Variants in JADE3 observed in about 807,000 individuals in gnomAD.
JADE3 encodes protein Jade-3.
A neutral mutation model predicts 50.1 loss-of-function variants in JADE3; 2 were observed. The ratio of observed to expected loss-of-function variants is 0.04; its 90% CI spans 0.02 to 0.13. The LOEUF (loss-of-function observed/expected upper bound fraction) is 0.13, where lower values mean the gene tolerates loss of function less well. Among genes scored for constraint, JADE3 ranks in the 10% least tolerant of loss-of-function variants. The pLI, the probability that JADE3 is intolerant of heterozygous loss-of-function variation, is 1.00. For synonymous variants in JADE3, 218 were observed against 232.9 expected, an observed-to-expected ratio of 0.94 and a Z score of 0.58; for missense variants, 475 against 634.4, an observed-to-expected ratio of 0.75 and a Z score of 2.70.
chrX:47,012,351 G>A (rs1441018041), intron 4 of JADE3, among the ~76,000 whole-genome samples: 2 of 111,176 alleles, frequency 1.8e-5, no homozygotes, highest in Non-Finnish European at 3.8e-5. Context: ...GGAGGCTGAG[G>A]TGGGAGGATG....
At chrX:47,052,633 C>CAAAAA in intron 8 of JADE3, among the ~76,000 whole-genome samples, 1 of 18,920 alleles carries the variant, frequency 5.3e-5, no homozygotes, top group Non-Finnish European at 1.2e-4. Context: ...GACTCTGTCT[C>CAAAAA]AAAAAAAAAA....
intron 1 of JADE3, among the ~76,000 whole-genome samples, chrX:46,938,746 C>T (rs1556341688): frequency 1.8e-5 from 2 of 112,374 alleles, no homozygotes; most frequent in Admixed American, 1.9e-4. Flanking sequence ...TTCTGAAGGA[C>T]ATTTTTGCTG....
At chrX:47,028,157 G>T (rs781867609) in intron 6 of JADE3, 54 bp downstream of exon 6, 62 of 859,225 alleles carry the variant, frequency 7.2e-5, no homozygotes, top group Non-Finnish European at 1.0e-4. Context: ...CTGAAGCTCA[G>T]TGATGATCTC....
intron 4 of JADE3, among the ~76,000 whole-genome samples, chrX:47,010,447 C>T (rs186872242): frequency 1.8e-5 from 2 of 111,445 alleles, no homozygotes; most frequent in African/African-American, 6.5e-5. Context: ...AGGCTGGTCT[C>T]GAACTCCCGA....
intron 8 of JADE3, among the ~76,000 whole-genome samples, chrX:47,041,912 C>A (rs987303812): frequency 1.8e-4 from 20 of 110,607 alleles, no homozygotes; most frequent in Non-Finnish European, 3.0e-4. Context: ...TCAGGTGATC[C>A]ACTCGCCTTG....
At position 47,056,214 on chromosome X, in the gene JADE3, T is replaced by C; in HGVS notation, c.1561+15T>C. On this transcript the variant is annotated intron_variant, in intron 10 of 10. Coordinates refer to ENST00000614628, the MANE Select transcript of JADE3 (RefSeq NM_014735.5). ...AATTGATGCAGGTAACCTGTATATT[T>C]AAAATGTCCTAACAAATATGTAGAC... The C allele has an allele frequency of 1.1e-6, 1 of 913,618 alleles. No homozygotes were observed. Among genetic ancestry groups the C allele is most frequent in the Non-Finnish European group, 1.6e-6 (1 of 626,017 alleles). 75.3% of individuals were successfully genotyped at this position (913,618 alleles called of 1,213,427 possible). A position where few individuals can be genotyped will look rare whatever the true frequency, so the allele number is the denominator to read the frequency against.
At chrX:46,922,027 G>A (rs919011254) in intron 1 of JADE3, among the ~76,000 whole-genome samples, 2 of 106,886 alleles carry the variant, frequency 1.9e-5, no homozygotes, top group African/African-American at 3.4e-5. Flanking sequence ...CCATCAACCC[G>A]TCACCCACTT....
chrX:46,954,417 A>G (rs1927070907), intron 1 of JADE3, among the ~76,000 whole-genome samples: 1 of 112,407 alleles, frequency 8.9e-6, no homozygotes, highest in Non-Finnish European at 1.9e-5. Context: ...AGTATTTCCT[A>G]TTGTTAGTTA....
chrX:46,938,726 A>G (rs188564812), intron 1 of JADE3, among the ~76,000 whole-genome samples: 2 of 112,581 alleles, frequency 1.8e-5, no homozygotes, highest in East Asian at 5.5e-4. Context: ...TGCTGGCTAT[A>G]AATTCTCATT....
intron 3 of JADE3, among the ~76,000 whole-genome samples, chrX:46,987,423 A>C (rs782133919): frequency 8.9e-6 from 1 of 112,015 alleles, no homozygotes; most frequent in Non-Finnish European, 1.9e-5. Flanking sequence ...TGTTTGCCAT[A>C]TTCTGTTGTT....
At chrX:46,956,290 C>T (rs1286637084) in intron 1 of JADE3, among the ~76,000 whole-genome samples, 2 of 111,831 alleles carry the variant, frequency 1.8e-5, no homozygotes, top group Non-Finnish European at 3.8e-5. Context: ...GCCTTGAACT[C>T]GTGACCTCAA....
In JADE3 at chrX:47,019,439, C is replaced by T. The variant is rs373994168; in HGVS notation, c.285-5285C>T. Among the ~76,000 whole-genome samples, 7 of 111,380 alleles carry T rather than the reference C, an allele frequency of 6.3e-5. No individual in the cohort carries two copies. The South Asian group carries it at 1.2e-3, about 18-fold the overall frequency. On this transcript the variant is annotated intron_variant, in intron 4 of 10. Coordinates refer to ENST00000614628, the MANE Select transcript of JADE3 (RefSeq NM_014735.5). ...GCACTCTGTCACCCAGGCTGGAGTG[C>T]AGTGGTGTAATCATAGCTCTCTACA...
At chrX:46,980,890 G>A (rs927691707) in intron 1 of JADE3, among the ~76,000 whole-genome samples, 4 of 111,333 alleles carry the variant, frequency 3.6e-5, no homozygotes, top group African/African-American at 1.3e-4. Flanking sequence ...GATTATCTGG[G>A]TGGGTCCAAT....
At chrX:46,995,647 CT>C (rs1928112305) in intron 3 of JADE3, among the ~76,000 whole-genome samples, 1 of 111,797 alleles carries the variant, frequency 8.9e-6, no homozygotes, top group African/African-American at 3.3e-5. Context: ...TTAAAAATGC[CT>C]TTTCTTATCA....
chrX:47,003,421 G>T (rs1312875188), intron 4 of JADE3, among the ~76,000 whole-genome samples: 3 of 108,589 alleles, frequency 2.8e-5, no homozygotes, highest in African/African-American at 6.7e-5. Flanking sequence ...AATTTTGGGG[G>T]TGACACAATT....
At chrX:46,971,878 G>A (rs1927506026) in intron 1 of JADE3, among the ~76,000 whole-genome samples, 1 of 109,902 alleles carries the variant, frequency 9.1e-6, no homozygotes, top group South Asian at 4.0e-4. Context: ...ACATTATAGA[G>A]TTGACCACCG....
intron 1 of JADE3, among the ~76,000 whole-genome samples, chrX:46,915,575 C>T (rs1035653105): frequency 4.5e-5 from 5 of 110,985 alleles, no homozygotes; most frequent in African/African-American, 1.6e-4. Flanking sequence ...AACAAATAAA[C>T]GGGTACTAGC....
At chrX:46,974,807 A>G (rs1039301220) in intron 1 of JADE3, among the ~76,000 whole-genome samples, 1 of 112,506 alleles carries the variant, frequency 8.9e-6, no homozygotes, top group East Asian at 2.8e-4. Flanking sequence ...GAATAAAATC[A>G]AGCTGATCAT....
intron 1 of JADE3, among the ~76,000 whole-genome samples, chrX:46,943,022 T>C (rs1182879014): frequency 8.9e-6 from 1 of 112,348 alleles, no homozygotes; most frequent in Non-Finnish European, 1.9e-5. Context: ...TATTGGTGTA[T>C]AGAAATGCTA....
Sources: allele counts gnomAD v4.1 joint callset (sites outside exome capture counted in the v4.1 genomes callset), GRCh38; gene constraint gnomAD v4.1.1; transcripts MANE v1.5; gene names NCBI Gene and HGNC (gene_info 2026-07-23, HGNC 2026-07-21).